PRPF40B: variants seen among roughly 807,000 people sequenced by gnomAD.
The protein encoded by PRPF40B is pre-mRNA processing factor 40B, also known as pre-mRNA-processing factor 40 homolog B.
Under a neutral mutation model 124.5 loss-of-function variants are expected in PRPF40B, and 56 were observed. The ratio of observed to expected loss-of-function variants is 0.45; its 90% CI spans 0.36 to 0.56. PRPF40B has a LOEUF of 0.56. PRPF40B is among the 20% of genes least tolerant of loss of function. The pLI, the probability that PRPF40B is intolerant of heterozygous loss-of-function variation, is 0.00. For missense variants in PRPF40B, 1,053 were observed against 1,169.5 expected (o/e 0.90, Z 1.45); for synonymous variants, 443 against 426.4 (o/e 1.04, Z -0.48).
Position 49,642,550 on chromosome 12 carries a change from G to A in PRPF40B, c.2023-30G>A. On this transcript the variant is annotated intron_variant, in intron 20 of 25. Transcript: ENST00000548825. This position sits in a 1 kb window ranked among gnomAD's most constrained non-coding sequence, Gnocchi z 5.8. The stretch of plus-strand genomic sequence containing the variant: ...TCCAGGCCAGGCTGAGTGGGGCCTA[G>A]TCTGATCAGCAGTGCTCTCCTCGTT... The A allele has an allele frequency of 1.2e-6, 2 of 1,612,734 alleles. No individual in the cohort carries two copies. Among genetic ancestry groups the A allele is most frequent in the South Asian group, 1.1e-5 (1 of 90,976 alleles).
intron 7 of PRPF40B, 137 bp downstream of exon 7, chr12:49,633,261 G>C: frequency 7.9e-7 from 1 of 1,260,192 alleles, no homozygotes; most frequent in Non-Finnish European, 1.1e-6. Context: ...ACCCTCCCTG[G>C]AAATGCCTCC....
At position 49,644,191 on chromosome 12, in the gene PRPF40B, G is replaced by A; in HGVS notation, c.2678G>A (p.Ter893=). ...CTACAGCAGCTGGATGATCACCAGTGACCCAATGAGCTGTTCTCTGCCTCG... is the reference window on the plus strand; with the variant it reads ...CTACAGCAGCTGGATGATCACCAGTAACCCAATGAGCTGTTCTCTGCCTCG... ...TLLQQLDDHQ[*] is the part of the protein sequence containing the mutation. Residue 893 remains the stop codon, a stop_retained_variant, in exon 26 of 26, where the codon TGA becomes TAA. Coordinates refer to ENST00000548825, the MANE Select transcript of PRPF40B (RefSeq NM_001031698.3). The A allele has an allele frequency of 1.9e-6, 3 of 1,614,050 alleles. No individual in the cohort carries two copies. The highest frequency in any genetic ancestry group is 2.5e-6 in the Non-Finnish European group (3 of 1,180,010).
At position 49,631,520 on chromosome 12, in the gene PRPF40B, G is replaced by C. The variant is rs550022655; in HGVS notation, c.204G>C (p.Met68Ile). The C allele has an allele frequency of 2.6e-6, 4 of 1,549,076 alleles. No individual in the cohort carries two copies. The South Asian group carries it at 5.0e-5, about 20-fold the overall frequency. ...PGILPPMLPP[M>I]GAPPPLTQIP... ...TCCTGCCCCCAATGCTTCCACCAAT[G>C]GGGGCGCCACCACCACTCACACAGG... The change falls in exon 3 of 26, where the codon ATG (methionine) becomes ATC (isoleucine). Residue 68 changes from methionine (M) to isoleucine (I), a missense_variant. By Grantham distance (10) the Met-to-Ile change is conservative. This residue lies in a region of PRPF40B where 158 missense variants were observed against 117.3 expected (regional missense o/e 1.35). Transcript: ENST00000548825. This position sits in a 1 kb window ranked among gnomAD's most constrained non-coding sequence, Gnocchi z 4.3.
intron 15 of PRPF40B, chr12:49,636,376 C>G: frequency 2.4e-6 from 1 of 417,044 alleles, no homozygotes; most frequent in East Asian, 4.0e-5. Context: ...TGATGATACT[C>G]AAATTCACTT....
chr12:49,636,973 C>G, intron 16 of PRPF40B, 124 bp downstream of exon 16: 2 of 1,386,130 alleles, frequency 1.4e-6, no homozygotes, highest in Admixed American at 2.0e-5. Flanking sequence ...TGTCCAAGCT[C>G]TATGAGACCT....
At position 49,642,046 on chromosome 12, in the gene PRPF40B, G is replaced by C. The variant is rs992411031; in HGVS notation, c.1884+22G>C. ...TAGTGTGAGGGGCTGGGCGGGGCGTGGGAAGTTCTCTAATTCATCTGTGTC... is the reference window on the plus strand; with the variant it reads ...TAGTGTGAGGGGCTGGGCGGGGCGTCGGAAGTTCTCTAATTCATCTGTGTC... On this transcript the variant is annotated intron_variant, in intron 19 of 25. Coordinates refer to ENST00000548825, the MANE Select transcript of PRPF40B (RefSeq NM_001031698.3). The surrounding 1 kb of genome is among the most constrained non-coding windows in gnomAD (Gnocchi z 5.8). 1.1e-5 allele frequency: 18 copies of C among 1,609,276 alleles called. No homozygotes were observed. In the Middle Eastern group the frequency reaches 6.6e-4, roughly 59 times the overall value.
rs1233699961 is a variant in PRPF40B, at chr12:49,633,963, C to T, written c.683C>T (p.Pro228Leu). 2 of 1,614,250 alleles carry T rather than the reference C, an allele frequency of 1.2e-6. No homozygotes were observed. The highest frequency in any genetic ancestry group is 1.7e-5 in the Admixed American group (1 of 60,036). ...CAGCCTGACCCCCCACCTGTGCCTC[C>T]TGGCCCCACCCCAGTGCCCACAGGC... The part of the protein sequence containing the change: ...QPQPDPPPVP[P>L]GPTPVPTGLL... Residue 228 changes from proline (P) to leucine (L), a missense_variant, in exon 10 of 26, where the codon CCT (proline) becomes CTT (leucine). Around this residue, in one of 2 missense-constraint regions of PRPF40B, gnomAD observed 895 missense variants for 1,052.2 expected, o/e 0.85. Transcript: ENST00000548825.
rs370488284 is a variant in PRPF40B at position 49,635,087 on chromosome 12, C to T, written c.1002-12C>T. On this transcript the variant is annotated splice_polypyrimidine_tract_variant and intron_variant, in intron 12 of 25. Coordinates refer to ENST00000548825, the MANE Select transcript of PRPF40B (RefSeq NM_001031698.3). This position sits in a 1 kb window ranked among gnomAD's most constrained non-coding sequence, Gnocchi z 4.1. ...TTCTCTATCCCCACCCCACTCCTAC[C>T]CTCTATCCCAGTGCCTTGCCTAAAC... 6.2e-7 allele frequency: 1 copy of T among 1,607,890 alleles called. No individual in the cohort carries two copies. The highest frequency in any genetic ancestry group is 1.3e-5 in the African/African-American group (1 of 74,620).
At position 49,635,277 on chromosome 12, in the gene PRPF40B, G is replaced by A. The variant is rs935475610; in HGVS notation, c.1166+14G>A. ...CACCCGCTACCGGTCAGGGGGCCAG[G>A]CTGGGCTGGGACTTGGGAACCCTGA... On this transcript the variant is annotated intron_variant, in intron 13 of 25. Transcript: ENST00000548825. This position sits in a 1 kb window ranked among gnomAD's most constrained non-coding sequence, Gnocchi z 4.1. 6.2e-7 allele frequency: 1 copy of A among 1,611,428 alleles called. No homozygotes were observed.
chr12:49,631,403 GC>G lies in PRPF40B; in HGVS notation c.92del (p.Pro31LeufsTer16). The G allele has an allele frequency of 6.7e-7, 1 of 1,485,940 alleles. No individual in the cohort carries two copies. The highest frequency in any genetic ancestry group is 8.9e-7 in the Non-Finnish European group (1 of 1,119,772). The allele number at this position is 1,485,940 out of a possible 1,614,324, so 92.0% of individuals were successfully genotyped here. On this transcript the variant is annotated frameshift_variant, in exon 3 of 26. Transcript: ENST00000548825. LOFTEE classifies it high-confidence loss of function. This position sits in a 1 kb window ranked among gnomAD's most constrained non-coding sequence, Gnocchi z 4.3. ...GPPMMPPPFMPPPGIPPPFPP... is the reference protein window; with the variant it reads ...GPPMMPPPFMXPPGIPPPFPP... Reference sequence around the variant, plus strand: ...TCTCTTCCTTTACTCATTTCCAGATGCCCCCTCCAGGGATCCCCCCACCCTT... The same window carrying G: ...TCTCTTCCTTTACTCATTTCCAGATGCCCCTCCAGGGATCCCCCCACCCTT...
intron 1 of PRPF40B, among the ~76,000 whole-genome samples, chr12:49,629,578 C>T (rs1941037786): frequency 6.6e-6 from 1 of 152,142 alleles, no homozygotes; most frequent in South Asian, 2.1e-4. Flanking sequence ...CTGGTAGGTA[C>T]CAGGAATACA....
Position 49,636,734 on chromosome 12 carries a change from C to A in PRPF40B, c.1445C>A (p.Ala482Glu). The A allele has an allele frequency of 6.2e-7, 1 of 1,614,174 alleles. No individual in the cohort carries two copies. The highest frequency in any genetic ancestry group is 8.5e-7 in the Non-Finnish European group (1 of 1,180,032). Residue 482 changes from alanine to glutamate, a missense_variant, in exon 16 of 26, where the codon GCA (alanine) becomes GAA (glutamate). Ala to Glu is a moderately radical substitution (Grantham distance 107). Around this residue, in one of 2 missense-constraint regions of PRPF40B, gnomAD observed 895 missense variants for 1,052.2 expected, o/e 0.85. Transcript: ENST00000548825. Reference protein sequence around the residue: ...HQLQNMDKEDALICFEEHIRA... With the variant: ...HQLQNMDKEDELICFEEHIRA... ...TCTTTAGACATGGACAAGGAAGATG[C>A]ACTGATCTGTTTTGAGGAGCACATC...
At position 49,633,082 on chromosome 12, in the gene PRPF40B, G is replaced by C; in HGVS notation, c.417G>C (p.Gln139His). Residue 139 changes from glutamine to histidine, a missense_variant, in exon 7 of 26, where the codon CAG (glutamine) becomes CAC (histidine). By Grantham distance (24) the Gln-to-His change is conservative (BLOSUM62 0). Coordinates refer to ENST00000548825, the MANE Select transcript of PRPF40B (RefSeq NM_001031698.3). The part of the protein sequence containing the change: ...RIYYYNADDK[Q>H]SVWEKPSVLK... ...ACTACTACAATGCTGACGACAAGCA[G>C]TCCGTGTGGGAGAAGCCCAGCGTGC... The C allele has an allele frequency of 6.5e-7, 1 of 1,547,980 alleles. No homozygotes were observed. The highest frequency in any genetic ancestry group is 8.7e-7 in the Non-Finnish European group (1 of 1,143,180).
Position 49,642,197 on chromosome 12 carries a change from T to C in PRPF40B, c.1885-38T>C. 3 of 1,613,904 alleles carry C rather than the reference T, an allele frequency of 1.9e-6. No individual in the cohort carries two copies. The highest frequency in any genetic ancestry group is 2.5e-6 in the Non-Finnish European group (3 of 1,179,928). ...CCTGAGTGGGACCTGGCATCCACCCTCCTGGGTGACCCTGTTCCGTGTCCC... is the reference window on the plus strand; with the variant it reads ...CCTGAGTGGGACCTGGCATCCACCCCCCTGGGTGACCCTGTTCCGTGTCCC... On this transcript the variant is annotated intron_variant, in intron 19 of 25. Coordinates refer to ENST00000548825, the MANE Select transcript of PRPF40B (RefSeq NM_001031698.3). This position sits in a 1 kb window ranked among gnomAD's most constrained non-coding sequence, Gnocchi z 5.8.
At chr12:49,632,978 C>T (rs200584714) in intron 6 of PRPF40B, 36 bp from the exon 7 acceptor site, 587 of 1,606,834 alleles carry the variant, frequency 3.7e-4, no homozygotes, top group Admixed American at 1.1e-3. Flanking sequence ...GGAAAAGGGG[C>T]CTTGACCACC....
Position 49,631,281 on chromosome 12 carries a change from G to T in PRPF40B, c.85-120G>T. 7.7e-6 allele frequency: 5 copies of T among 649,466 alleles called. No individual in the cohort carries two copies. The East Asian group carries it at 1.5e-4, about 20-fold the overall frequency. The allele number at this position is 649,466 out of a possible 1,614,324, so 40.2% of individuals were successfully genotyped here. A position where few individuals can be genotyped will look rare whatever the true frequency, so the allele number is the denominator to read the frequency against. On this transcript the variant is annotated intron_variant, in intron 2 of 25. Transcript: ENST00000548825. This position sits in a 1 kb window ranked among gnomAD's most constrained non-coding sequence, Gnocchi z 4.3. ...CTTCTCAAACTAAAGCCTTGGAATT[G>T]CCTCAGAGCAGGGTGGAGGGTTGGG... is the stretch of plus-strand genomic sequence containing the variant.
chr12:49,631,725 TG>T lies in PRPF40B; in HGVS notation c.229-131del. The T allele has an allele frequency of 8.1e-7, 1 of 1,237,528 alleles. No individual in the cohort carries two copies. Among genetic ancestry groups the T allele is most frequent in the Non-Finnish European group, 1.2e-6 (1 of 844,914 alleles). 76.7% of individuals were successfully genotyped at this position (1,237,528 alleles called of 1,614,324 possible). A position where few individuals can be genotyped will look rare whatever the true frequency, so the allele number is the denominator to read the frequency against. ...TCAGGCAAGGTGAGAGGCCAGAATC[TG>T]GGGATTGCCTGAGGAAGTGCCCAAG... On this transcript the variant is annotated intron_variant, in intron 3 of 25. Coordinates refer to ENST00000548825, the MANE Select transcript of PRPF40B (RefSeq NM_001031698.3). The surrounding 1 kb of genome is among the most constrained non-coding windows in gnomAD (Gnocchi z 4.3).
Position 49,633,408 on chromosome 12 carries a change from CT to C in PRPF40B, c.460-18del, listed in dbSNP as rs771569615. 1.2e-6 allele frequency: 2 copies of C among 1,614,088 alleles called. No homozygotes were observed. The highest frequency in any genetic ancestry group is 2.2e-5 in the South Asian group (2 of 91,054). ...AACTTGCCCATCCCACTGATGGCTC[CT>C]ATCCCATCCACTTGCAGCTGCTCCT... On this transcript the variant is annotated intron_variant, in intron 7 of 25. Transcript: ENST00000548825.
chr12:49,623,969 A>G (rs1238106946), intron 1 of PRPF40B: 1 of 1,067,776 alleles, frequency 9.4e-7, no homozygotes. Context: ...CTCCTGGGAT[A>G]TTTGGTGTGC....
Sources: allele counts gnomAD v4.1 joint callset (sites outside exome capture counted in the v4.1 genomes callset), GRCh38; gene constraint gnomAD v4.1.1; regional missense constraint gnomAD v4.1.1; non-coding constraint Gnocchi (gnomAD v3.1); transcripts MANE v1.5; gene names NCBI Gene and HGNC (gene_info 2026-07-23, HGNC 2026-07-21).